The following PRR16 variants were observed in gnomAD, a reference collection of about 807,000 sequenced individuals.
PRR16 encodes the protein proline rich 16.
In PRR16, 6 loss-of-function variants were observed where a neutral mutation model predicts 18.2. The observed-to-expected ratio is 0.33, with a 90% confidence interval of 0.18 to 0.65. The LOEUF (loss-of-function observed/expected upper bound fraction) is 0.65. PRR16 is among the 30% of genes least tolerant of loss of function. The pLI, the probability that PRR16 is intolerant of heterozygous loss-of-function variation, is 0.74. For missense variants in PRR16, 412 were observed against 376.6 expected (o/e 1.09, Z -0.78); for synonymous variants, 151 against 147.8 (o/e 1.02, Z -0.16).
chr5:120,532,896 A>G (rs1353513500), intron 1 of PRR16, among the ~76,000 whole-genome samples: 2 of 152,224 alleles, frequency 1.3e-5, no homozygotes, highest in Admixed American at 6.5e-5. Flanking sequence ...ACTTTTCTCT[A>G]TACAAATAAA....
At chr5:120,475,488 G>C (rs1480348923) in intron 1 of PRR16, among the ~76,000 whole-genome samples, 1 of 150,028 alleles carries the variant, frequency 6.7e-6, no homozygotes, top group African/African-American at 2.5e-5. Flanking sequence ...AATTTTTTTT[G>C]ACACTTTGAG....
intron 1 of PRR16, chr5:120,465,767 G>A (rs778039211): frequency 1.3e-5 from 2 of 153,660 alleles, no homozygotes; most frequent in Non-Finnish European, 2.9e-5. Context: ...TTCGAAGGTG[G>A]CGGTGGCTGC....
At chr5:120,574,015 T>A (rs1752995371) in intron 1 of PRR16, among the ~76,000 whole-genome samples, 1 of 151,876 alleles carries the variant, frequency 6.6e-6, no homozygotes, top group Non-Finnish European at 1.5e-5. Context: ...AAAGAATATA[T>A]TCATGATTTT....
chr5:120,638,962 G>A (rs73256088), intron 1 of PRR16, among the ~76,000 whole-genome samples: 16 of 152,130 alleles, frequency 1.1e-4, no homozygotes, highest in African/African-American at 3.1e-4. Flanking sequence ...TATCTTATCT[G>A]TGCAATTAAT....
chr5:120,658,069 C>T (rs916208389), intron 1 of PRR16: 1 of 151,762 alleles, frequency 6.6e-6, no homozygotes, highest in African/African-American at 2.4e-5. Flanking sequence ...TCCCAGAGAG[C>T]TCTAACTATT....
At chr5:120,560,308 T>C (rs1032015242) in intron 1 of PRR16, among the ~76,000 whole-genome samples, 5 of 152,020 alleles carry the variant, frequency 3.3e-5, no homozygotes, top group Admixed American at 6.6e-5. Flanking sequence ...TGAGATATAT[T>C]ACCTCTATAC....
intron 1 of PRR16, among the ~76,000 whole-genome samples, chr5:120,632,478 C>A (rs1755089627): frequency 6.6e-6 from 1 of 151,834 alleles, no homozygotes; most frequent in Non-Finnish European, 1.5e-5. Flanking sequence ...AAATTAAAAA[C>A]ATGATACAAG....
chr5:120,770,926 A>ACTTTCTCTCT, the PRR16 span, among the ~76,000 whole-genome samples: 1 of 131,362 alleles, frequency 7.6e-6, no homozygotes, highest in Non-Finnish European at 1.6e-5. Context: ...TCATTGGAAC[A>ACTTTCTCTCT]CTCTCTCTCT....
chr5:120,655,939 C>T (rs1409243022), intron 1 of PRR16, among the ~76,000 whole-genome samples: 1 of 151,810 alleles, frequency 6.6e-6, no homozygotes, highest in Non-Finnish European at 1.5e-5. Context: ...CCTTGAATCA[C>T]TATCACTGTC....
At chr5:120,666,025 T>A (rs1320413394) in intron 1 of PRR16, among the ~76,000 whole-genome samples, 1 of 150,684 alleles carries the variant, frequency 6.6e-6, no homozygotes, top group Non-Finnish European at 1.5e-5. Flanking sequence ...GGGGATGGCA[T>A]TGAATCTATA....
At chr5:120,702,190 G>A in the PRR16 span, among the ~76,000 whole-genome samples, 12 of 151,786 alleles carry the variant, frequency 7.9e-5, no homozygotes, top group Non-Finnish European at 1.5e-4. Flanking sequence ...TAAGAGGTTG[G>A]GGTGTGGAAA....
chr5:120,545,221 C>T lies in PRR16; in HGVS notation c.159+80576C>T, dbSNP rs531104894. On this transcript the variant is annotated intron_variant, in intron 1 of 1. Transcript: ENST00000407149. Reference sequence around the variant, plus strand: ...GCACAGAGCTGTGTCCATAAGCATCCTTGTCTCTTCCAAATGTTTTAGTGT... The same window carrying T: ...GCACAGAGCTGTGTCCATAAGCATCTTTGTCTCTTCCAAATGTTTTAGTGT... Among the ~76,000 whole-genome samples the T allele has an allele frequency of 3.9e-5, 6 of 152,116 alleles. No homozygotes were observed. In the South Asian group the frequency reaches 1.2e-3, roughly 32 times the overall value.
At chr5:120,590,926 T>C (rs1312108222) in intron 1 of PRR16, among the ~76,000 whole-genome samples, 1 of 152,162 alleles carries the variant, frequency 6.6e-6, no homozygotes, top group African/African-American at 2.4e-5. Context: ...TTTGATTTTT[T>C]ATTCTTTAGA....
At chr5:120,487,632 CCTCT>C (rs1236072991) in intron 1 of PRR16, among the ~76,000 whole-genome samples, 2 of 152,026 alleles carry the variant, frequency 1.3e-5, no homozygotes, top group East Asian at 3.9e-4. Context: ...AATTGAATAC[CCTCT>C]ATTTCCTTCT....
intron 1 of PRR16, among the ~76,000 whole-genome samples, chr5:120,491,104 C>T (rs866527413): frequency 1.1e-4 from 16 of 152,114 alleles, no homozygotes; most frequent in South Asian, 8.3e-4. Flanking sequence ...GGGTCAGGGA[C>T]GCACTTGAGG....
At chr5:120,650,775 C>T (rs1029850427) in intron 1 of PRR16, among the ~76,000 whole-genome samples, 27 of 152,060 alleles carry the variant, frequency 1.8e-4, no homozygotes, top group Non-Finnish European at 3.4e-4. Flanking sequence ...GTGAATAGTG[C>T]CACAATAAAC....
At chr5:120,479,973 G>A (rs1749557424) in intron 1 of PRR16, among the ~76,000 whole-genome samples, 1 of 152,148 alleles carries the variant, frequency 6.6e-6, no homozygotes, top group African/African-American at 2.4e-5. Context: ...AGTACTTTAT[G>A]CTATAATGAT....
At chr5:120,743,230 A>C in the PRR16 span, among the ~76,000 whole-genome samples, 1 of 152,170 alleles carries the variant, frequency 6.6e-6, no homozygotes, top group South Asian at 2.1e-4. Flanking sequence ...CACCTCCTAT[A>C]ATCCCATTTC....
At chr5:120,789,476 T>TTA in the PRR16 span, among the ~76,000 whole-genome samples, 1 of 152,030 alleles carries the variant, frequency 6.6e-6, no homozygotes, top group Non-Finnish European at 1.5e-5. Context: ...AAGGAAAAAA[T>TTA]AACCCTTTTT....
Sources: allele counts gnomAD v4.1 joint callset (sites outside exome capture counted in the v4.1 genomes callset), GRCh38; gene constraint gnomAD v4.1.1; transcripts MANE v1.5; gene names NCBI Gene and HGNC (gene_info 2026-07-23, HGNC 2026-07-21).